PGCKA1: variants seen among roughly 807,000 people sequenced by gnomAD.
PGCKA1 encodes PDCD10 and GCKIII kinases-associated protein 1.
chr4:37,509,576 G>T, the PGCKA1 span, among the ~76,000 whole-genome samples: 1 of 151,950 alleles, frequency 6.6e-6, no homozygotes, highest in Non-Finnish European at 1.5e-5. Flanking sequence ...CCGGGCAGAG[G>T]CTGCAATCTC....
chr4:37,546,960 T>A, the PGCKA1 span, among the ~76,000 whole-genome samples: 3 of 152,214 alleles, frequency 2.0e-5, no homozygotes, highest in African/African-American at 7.2e-5. Context: ...TCCATTTGAG[T>A]GGAAGTGTGG....
the PGCKA1 span, among the ~76,000 whole-genome samples, chr4:37,484,330 G>GAAACCCT: frequency 6.6e-6 from 1 of 152,126 alleles, no homozygotes; most frequent in Non-Finnish European, 1.5e-5. Context: ...AGCAAAAAGG[G>GAAACCCT]AAACCCCTTA....
At chr4:37,542,150 C>T in the PGCKA1 span, among the ~76,000 whole-genome samples, 1 of 152,172 alleles carries the variant, frequency 6.6e-6, no homozygotes, top group East Asian at 1.9e-4. Context: ...TTCCCTAGCT[C>T]AGAACACACA....
the PGCKA1 span, among the ~76,000 whole-genome samples, chr4:37,552,114 G>T: frequency 6.6e-6 from 1 of 152,208 alleles, no homozygotes; most frequent in Non-Finnish European, 1.5e-5. Context: ...CCAGACCTGG[G>T]CCTGCCTGGC....
At chr4:37,478,150 C>CT in the PGCKA1 span, among the ~76,000 whole-genome samples, 1 of 113,914 alleles carries the variant, frequency 8.8e-6, no homozygotes, top group African/African-American at 3.0e-5. Flanking sequence ...ACACCCCCCC[C>CT]CACCGCCACT....
chr4:37,490,314 TA>T, the PGCKA1 span, among the ~76,000 whole-genome samples: 13 of 152,134 alleles, frequency 8.5e-5, no homozygotes, highest in African/African-American at 2.9e-4. Context: ...CCAGCAATCT[TA>T]ATCAACCCGG....
chr4:37,556,049 C>A, the PGCKA1 span, among the ~76,000 whole-genome samples: 2 of 152,130 alleles, frequency 1.3e-5, no homozygotes, highest in Non-Finnish European at 2.9e-5. Context: ...TTCTAACAGT[C>A]TTTCACTACA....
At chr4:37,520,576 C>A in the PGCKA1 span, among the ~76,000 whole-genome samples, 1 of 151,980 alleles carries the variant, frequency 6.6e-6, no homozygotes, top group East Asian at 1.9e-4. Context: ...CACTATTGAA[C>A]CTTTGAATTT....
the PGCKA1 span, among the ~76,000 whole-genome samples, chr4:37,578,253 A>C: frequency 1.1e-4 from 16 of 152,264 alleles, no homozygotes; most frequent in African/African-American, 3.9e-4. Context: ...ATATATTTAC[A>C]ATTGTTATAT....
the PGCKA1 span, among the ~76,000 whole-genome samples, chr4:37,505,879 G>A: frequency 1.3e-5 from 2 of 152,330 alleles, no homozygotes; most frequent in African/African-American, 4.8e-5. Context: ...TTCTTTAAAT[G>A]TTTGGTACAA....
chr4:37,482,215 G>C, the PGCKA1 span, among the ~76,000 whole-genome samples: 1 of 152,212 alleles, frequency 6.6e-6, no homozygotes, highest in Non-Finnish European at 1.5e-5. Context: ...CTGGGTAACA[G>C]GCAGACGTTG....
chr4:37,529,397 T>C, the PGCKA1 span, among the ~76,000 whole-genome samples: 6 of 152,330 alleles, frequency 3.9e-5, no homozygotes, highest in East Asian at 1.2e-3. Context: ...TATGTACTAT[T>C]GATGCTATAA....
At chr4:37,551,968 AG>A in the PGCKA1 span, among the ~76,000 whole-genome samples, 1 of 152,220 alleles carries the variant, frequency 6.6e-6, no homozygotes, top group African/African-American at 2.4e-5. Context: ...AAAAAGTGAG[AG>A]TCTCAAAGGG....
the PGCKA1 span, among the ~76,000 whole-genome samples, chr4:37,511,235 A>G: frequency 1.3e-5 from 2 of 152,050 alleles, no homozygotes; most frequent in Non-Finnish European, 2.9e-5. Flanking sequence ...GACAAAGTCC[A>G]CTTTTCTTTT....
the PGCKA1 span, among the ~76,000 whole-genome samples, chr4:37,496,815 C>G: frequency 1.2e-3 from 185 of 152,198 alleles, no homozygotes; most frequent in African/African-American, 4.4e-3. Flanking sequence ...TCTTTCACCT[C>G]CCTGATCATC....
the PGCKA1 span, among the ~76,000 whole-genome samples, chr4:37,475,637 G>A: frequency 2.0e-5 from 3 of 152,122 alleles, no homozygotes; most frequent in African/African-American, 7.2e-5. Flanking sequence ...TTATGAATTA[G>A]TTATTTAGAA....
At chr4:37,578,717 G>C in the PGCKA1 span, among the ~76,000 whole-genome samples, 1 of 151,866 alleles carries the variant, frequency 6.6e-6, no homozygotes, top group Non-Finnish European at 1.5e-5. Context: ...TGTATTCATT[G>C]TATGTTTTTT....
the PGCKA1 span, among the ~76,000 whole-genome samples, chr4:37,523,387 CT>C: frequency 4.7e-4 from 68 of 145,744 alleles, no homozygotes; most frequent in East Asian, 1.2e-3. Flanking sequence ...TGATTCAGGA[CT>C]TTTTTTTTTT....
the PGCKA1 span, among the ~76,000 whole-genome samples, chr4:37,479,355 C>G: frequency 6.6e-6 from 1 of 152,066 alleles, no homozygotes; most frequent in Non-Finnish European, 1.5e-5. Context: ...TTTTTCTTTA[C>G]TCTTGCTCAT....
Sources: gnomAD v4.1 joint callset for allele counts (sites outside exome capture counted in the v4.1 genomes callset) on GRCh38, gnomAD v4.1.1 for gene constraint, MANE v1.5 for transcripts, NCBI Gene and HGNC (gene_info 2026-07-23, HGNC 2026-07-21) for gene names.